The following BMAL1 variants were observed in gnomAD, a reference collection of about 807,000 sequenced individuals.
BMAL1 encodes basic helix-loop-helix ARNT like 1.
At chr11:13,297,975 G>A in the BMAL1 span, among the ~76,000 whole-genome samples, 2 of 152,166 alleles carry the variant, frequency 1.3e-5, no homozygotes, top group African/African-American at 4.8e-5. Context: ...ATCAGGGCAG[G>A]CCTCTGCTCA....
At chr11:13,369,905 A>G in the BMAL1 span, 8 of 1,100,516 alleles carry the variant, frequency 7.3e-6, no homozygotes, top group African/African-American at 8.0e-5. Context: ...AGGACCCTGC[A>G]GTCCTCCCTA....
the BMAL1 span, among the ~76,000 whole-genome samples, chr11:13,319,376 T>G: frequency 6.6e-6 from 1 of 152,222 alleles, no homozygotes; most frequent in Non-Finnish European, 1.5e-5. Context: ...GTAGGACTTT[T>G]GGTTTAAATG....
At chr11:13,338,239 A>C in the BMAL1 span, among the ~76,000 whole-genome samples, 1 of 152,152 alleles carries the variant, frequency 6.6e-6, no homozygotes, top group East Asian at 1.9e-4. Context: ...AGGAAAAAAA[A>C]CAAGCCGATT....
At chr11:13,319,752 CA>C in the BMAL1 span, among the ~76,000 whole-genome samples, 2 of 152,214 alleles carry the variant, frequency 1.3e-5, no homozygotes, top group Non-Finnish European at 2.9e-5. Context: ...AGCCAAATCA[CA>C]GCTTCCTTTT....
At chr11:13,282,441 G>A in the BMAL1 span, among the ~76,000 whole-genome samples, 4 of 152,122 alleles carry the variant, frequency 2.6e-5, no homozygotes, top group African/African-American at 7.2e-5. Flanking sequence ...TTGCCGGGGT[G>A]CCTTGGCCTG....
At chr11:13,307,232 T>C in the BMAL1 span, among the ~76,000 whole-genome samples, 1 of 152,350 alleles carries the variant, frequency 6.6e-6, no homozygotes, top group African/African-American at 2.4e-5. Context: ...GTGCAGGAAC[T>C]CTTCATGGAG....
chr11:13,343,772 A>G, the BMAL1 span, among the ~76,000 whole-genome samples: 7 of 152,168 alleles, frequency 4.6e-5, no homozygotes, highest in African/African-American at 7.2e-5. Flanking sequence ...AACCCTCAGT[A>G]GCTGTCTGGG....
the BMAL1 span, among the ~76,000 whole-genome samples, chr11:13,309,606 A>G: frequency 6.6e-6 from 1 of 152,076 alleles, no homozygotes; most frequent in Admixed American, 6.5e-5. Context: ...TTTTACAAGT[A>G]TTTATTGAGG....
chr11:13,352,237 A>C, the BMAL1 span, among the ~76,000 whole-genome samples: 1 of 152,160 alleles, frequency 6.6e-6, no homozygotes, highest in African/African-American at 2.4e-5. Context: ...TTGAGGAGAG[A>C]GGGCAAAGTA....
At chr11:13,307,871 T>C in the BMAL1 span, among the ~76,000 whole-genome samples, 1 of 152,174 alleles carries the variant, frequency 6.6e-6, no homozygotes, top group Non-Finnish European at 1.5e-5. Context: ...TTTAGGCACA[T>C]TCGTCCTTTT....
At chr11:13,369,550 G>C in the BMAL1 span, 5 of 1,582,776 alleles carry the variant, frequency 3.2e-6, no homozygotes, top group South Asian at 5.7e-5. Flanking sequence ...CTTTGCTCAA[G>C]GTCACACTCC....
At chr11:13,303,351 G>T in the BMAL1 span, among the ~76,000 whole-genome samples, 1 of 152,158 alleles carries the variant, frequency 6.6e-6, no homozygotes, top group Non-Finnish European at 1.5e-5. Flanking sequence ...ATTCTAACTT[G>T]GGGAGGTAGA....
At chr11:13,302,789 G>T in the BMAL1 span, among the ~76,000 whole-genome samples, 1 of 152,146 alleles carries the variant, frequency 6.6e-6, no homozygotes, top group Admixed American at 6.5e-5. Context: ...CCCCCACTTG[G>T]CAGGTTCCTC....
At chr11:13,361,857 C>T in the BMAL1 span, among the ~76,000 whole-genome samples, 1 of 149,984 alleles carries the variant, frequency 6.7e-6, no homozygotes, top group Non-Finnish European at 1.5e-5. Context: ...GCCAGACCCA[C>T]TGTAAAAACA....
At chr11:13,358,559 G>T in the BMAL1 span, 1 of 1,610,574 alleles carries the variant, frequency 6.2e-7, no homozygotes, top group Admixed American at 1.7e-5. Flanking sequence ...ACTGTGCTAA[G>T]GATGGCTGTT....
At chr11:13,376,506 A>T in the BMAL1 span, 1 of 838,600 alleles carries the variant, frequency 1.2e-6, no homozygotes, top group Non-Finnish European at 2.1e-6. Context: ...AGACCTGTTT[A>T]CCCACTCAGA....
the BMAL1 span, among the ~76,000 whole-genome samples, chr11:13,377,757 A>C: frequency 6.6e-6 from 1 of 152,286 alleles, no homozygotes; most frequent in South Asian, 2.1e-4. Flanking sequence ...ATTTATGATG[A>C]ATTCCTTGGA....
the BMAL1 span, chr11:13,354,723 T>C: frequency 2.6e-6 from 1 of 386,374 alleles, no homozygotes; most frequent in African/African-American, 2.1e-5. Context: ...CCAAGTTCTG[T>C]CTTTTACCCC....
At chr11:13,378,653 A>G in the BMAL1 span, 2 of 576,772 alleles carry the variant, frequency 3.5e-6, no homozygotes, top group Non-Finnish European at 5.8e-6. Flanking sequence ...CCTCCTCCCC[A>G]CCCAACAAAG....
Sources: allele counts gnomAD v4.1 joint callset (sites outside exome capture counted in the v4.1 genomes callset), GRCh38; gene constraint gnomAD v4.1.1; transcripts MANE v1.5; gene names NCBI Gene and HGNC (gene_info 2026-07-23, HGNC 2026-07-21).